NPY2R: variants seen among roughly 807,000 people sequenced by gnomAD.
The protein encoded by NPY2R is neuropeptide Y receptor type 2.
A neutral mutation model predicts 22.3 loss-of-function variants in NPY2R; 17 were observed. That is an observed-to-expected ratio of 0.76 (90% CI 0.52 to 1.14). The LOEUF is 1.14. Ranked by LOEUF, NPY2R falls within the 50% of genes most tolerant of loss-of-function variation. The pLI is 0.00. For synonymous variants in NPY2R, 209 were observed against 183.4 expected (o/e 1.14, Z -1.13); for missense variants, 424 against 467.9 (o/e 0.91, Z 0.87).
chr4:155,175,921 A>G, the NPY2R span, among the ~76,000 whole-genome samples: 4 of 152,284 alleles, frequency 2.6e-5, no homozygotes, highest in African/African-American at 7.2e-5. Flanking sequence ...TGCCATTGAA[A>G]TGGGCCCAAT....
chr4:155,192,543 T>C, the NPY2R span, among the ~76,000 whole-genome samples: 1 of 152,004 alleles, frequency 6.6e-6, no homozygotes, highest in African/African-American at 2.4e-5. Flanking sequence ...CTGCATAATA[T>C]GCAATTTTCT....
chr4:155,190,146 C>T, the NPY2R span, among the ~76,000 whole-genome samples: 4 of 151,920 alleles, frequency 2.6e-5, no homozygotes, highest in African/African-American at 7.2e-5. Flanking sequence ...ATTGCATGGG[C>T]AACATTTGAA....
chr4:155,192,145 TG>T, the NPY2R span, among the ~76,000 whole-genome samples: 2 of 151,538 alleles, frequency 1.3e-5, no homozygotes, highest in Non-Finnish European at 2.9e-5. Flanking sequence ...AAAATAATTC[TG>T]GATCACAAGT....
At chr4:155,207,716 C>T (rs1171124403), upstream of NPY2R, 1 of 152,296 alleles carries the variant, frequency 6.6e-6, no homozygotes, top group Non-Finnish European at 1.5e-5. Flanking sequence ...GAAGGCTTCA[C>T]CACAAGGAGA....
chr4:155,214,847 A>G lies in NPY2R; in HGVS notation c.908A>G (p.Tyr303Cys). ...IDSQVLDLKE[Y>C]KLIFTVFHII... ...AGCCAGGTCCTGGACCTGAAGGAGTACAAACTCATCTTCACAGTGTTCCAC... is the reference window on the plus strand; with the variant it reads ...AGCCAGGTCCTGGACCTGAAGGAGTGCAAACTCATCTTCACAGTGTTCCAC... The change falls in exon 2 of 2, where the codon TAC becomes TGC. Residue 303 changes from tyrosine (Y) to cysteine (C), a missense_variant. By Grantham distance (194) the Tyr-to-Cys change is radical (BLOSUM62 -2). Coordinates refer to ENST00000329476, the MANE Select transcript of NPY2R (RefSeq NM_000910.4). 1.9e-6 allele frequency: 3 copies of G among 1,609,690 alleles called. No individual in the cohort carries two copies. The highest frequency in any genetic ancestry group is 2.5e-6 in the Non-Finnish European group (3 of 1,177,192).
At chr4:155,200,367 A>C in the NPY2R span, among the ~76,000 whole-genome samples, 1 of 124,364 alleles carries the variant, frequency 8.0e-6, no homozygotes, top group Middle Eastern at 4.1e-3. Context: ...TAGATGCTGA[A>C]GAAGCTGTGG....
In NPY2R at chr4:155,214,924, A is replaced by G. The variant is rs1231011465; in HGVS notation, c.985A>G (p.Asn329Asp). ...CAATCCCCTTCTCTATGGCTGGATG[A>G]ACAGCAACTACAGAAAGGCTTTCCT... ...FANPLLYGWMNSNYRKAFLSA... is the reference protein window; with the variant it reads ...FANPLLYGWMDSNYRKAFLSA... Residue 329 changes from asparagine (N) to aspartate (D), a missense_variant, in exon 2 of 2, where the codon AAC becomes GAC. Asn to Asp is a conservative substitution (Grantham distance 23). Coordinates refer to ENST00000329476, the MANE Select transcript of NPY2R (RefSeq NM_000910.4). 6.2e-7 allele frequency: 1 copy of G among 1,613,968 alleles called. No individual in the cohort carries two copies. Among genetic ancestry groups the G allele is most frequent in the South Asian group, 1.1e-5 (1 of 91,084 alleles).
chr4:155,216,596 T>C lies in NPY2R; in HGVS notation c.*1511T>C, dbSNP rs535255544. The stretch of plus-strand genomic sequence containing the variant: ...TGGAGAGCTTTACTTTGTGGATATA[T>C]TTAAAATTCATATTATAGCTCCTAT... On this transcript the variant is annotated 3_prime_UTR_variant, in exon 2 of 2. Coordinates refer to ENST00000329476, the MANE Select transcript of NPY2R (RefSeq NM_000910.4). The C allele has an allele frequency of 1.0e-4, 17 of 167,018 alleles. No individual in the cohort carries two copies. The highest frequency in any genetic ancestry group is 4.1e-4 in the African/African-American group (17 of 41,578). The allele number at this position is 167,018 out of a possible 1,614,324, so 10.3% of individuals were successfully genotyped here.
rs1318682479 is a variant in NPY2R at position 155,215,873 on chromosome 4, A to G, written c.*788A>G. On this transcript the variant is annotated 3_prime_UTR_variant, in exon 2 of 2. Transcript: ENST00000329476. ...GAGATACTATTTAGATAACAAGAAT[A>G]CAACTTGATACTTTTATTGTTATAC... 2 of 167,050 alleles carry G rather than the reference A, an allele frequency of 1.2e-5. No individual in the cohort carries two copies. The highest frequency in any genetic ancestry group is 2.4e-5 in the African/African-American group (1 of 41,466). 10.3% of individuals were successfully genotyped at this position (167,050 alleles called of 1,614,324 possible). A position where few individuals can be genotyped will look rare whatever the true frequency, so the allele number is the denominator to read the frequency against.
chr4:155,178,561 A>G, the NPY2R span, among the ~76,000 whole-genome samples: 1 of 152,188 alleles, frequency 6.6e-6, no homozygotes, highest in Non-Finnish European at 1.5e-5. Flanking sequence ...TTTTCTGTCT[A>G]CTTGTTCTAC....
At chr4:155,207,978 T>A (rs977309769), upstream of NPY2R, 3 of 152,270 alleles carry the variant, frequency 2.0e-5, no homozygotes, top group African/African-American at 7.2e-5. Flanking sequence ...CAGACACCTG[T>A]TAGGGAAATT....
At chr4:155,199,621 A>G in the NPY2R span, among the ~76,000 whole-genome samples, 1 of 152,150 alleles carries the variant, frequency 6.6e-6, no homozygotes, top group African/African-American at 2.4e-5. Context: ...CAAACTATAT[A>G]CAAGTCTACA....
chr4:155,207,494 CT>C (rs1467848776), upstream of NPY2R: 1 of 152,250 alleles, frequency 6.6e-6, no homozygotes, highest in Non-Finnish European at 1.5e-5. Flanking sequence ...CAGTATCAGG[CT>C]TTCGTTTTTG....
At position 155,214,772 on chromosome 4, in the gene NPY2R, C is replaced by T. The variant is rs143021899; in HGVS notation, c.833C>T (p.Ala278Val). 33 of 1,613,932 alleles carry T rather than the reference C, an allele frequency of 2.0e-5. No individual in the cohort carries two copies. The highest frequency in any genetic ancestry group is 2.7e-5 in the Non-Finnish European group (32 of 1,179,852). Residue 278 changes from alanine to valine, a missense_variant, in exon 2 of 2, where the codon GCG (alanine) becomes GTG (valine). Ala to Val is a moderately conservative substitution (Grantham distance 64). Coordinates refer to ENST00000329476, the MANE Select transcript of NPY2R (RefSeq NM_000910.4). Reference sequence around the variant, plus strand: ...CTGGTGTGTGTGGTGGTGGTGTTTGCGGTCAGCTGGCTGCCTCTCCATGCC... The same window carrying T: ...CTGGTGTGTGTGGTGGTGGTGTTTGTGGTCAGCTGGCTGCCTCTCCATGCC... ...KMLVCVVVVF[A>V]VSWLPLHAFQ...
chr4:155,180,996 G>A, the NPY2R span, among the ~76,000 whole-genome samples: 1 of 151,902 alleles, frequency 6.6e-6, no homozygotes, highest in Non-Finnish European at 1.5e-5. Flanking sequence ...GCAACTGTTA[G>A]TAAAGTTGAA....
the NPY2R span, among the ~76,000 whole-genome samples, chr4:155,201,297 C>T: frequency 0.66 from 99,776 of 151,992 alleles, 34,699 homozygotes; most frequent in East Asian, 0.94. Flanking sequence ...CTGGGTCACA[C>T]AGAACACTCT....
upstream of NPY2R, among the ~76,000 whole-genome samples, chr4:155,204,858 T>G (rs1205244571): frequency 3.5e-5 from 4 of 112,982 alleles, no homozygotes; most frequent in Admixed American, 1.2e-4. Context: ...TGTCATTCTG[T>G]ATACTGGGGC....
In NPY2R at chr4:155,216,413, A is replaced by T. The variant is rs1460040230; in HGVS notation, c.*1328A>T. The T allele has an allele frequency of 6.0e-6, 1 of 166,990 alleles. No individual in the cohort carries two copies. Among genetic ancestry groups the T allele is most frequent in the South Asian group, 2.1e-4 (1 of 4,830 alleles). The allele number at this position is 166,990 out of a possible 1,614,324, so 10.3% of individuals were successfully genotyped here. On this transcript the variant is annotated 3_prime_UTR_variant, in exon 2 of 2. Transcript: ENST00000329476. ...TAAAAACCTTCTATGTTCATAAAAAATAACAACTGAGATGTTAAAATAGTC... is the reference window on the plus strand; with the variant it reads ...TAAAAACCTTCTATGTTCATAAAAATTAACAACTGAGATGTTAAAATAGTC...
the NPY2R span, among the ~76,000 whole-genome samples, chr4:155,186,238 A>G: frequency 6.6e-6 from 1 of 152,294 alleles, no homozygotes; most frequent in East Asian, 1.9e-4. Context: ...TGCCTATATA[A>G]AACAATTTGT....
Sources: allele counts gnomAD v4.1 joint callset (sites outside exome capture counted in the v4.1 genomes callset), GRCh38; gene constraint gnomAD v4.1.1; transcripts MANE v1.5; gene names NCBI Gene and HGNC (gene_info 2026-07-23, HGNC 2026-07-21).